Variants in NLRP2 observed in about 807,000 individuals in gnomAD.
The protein encoded by NLRP2 is NACHT, LRR and PYD domains-containing protein 2.
NLRP2 carries 107 observed loss-of-function variants against 97.2 expected under a neutral mutation model. The observed-to-expected ratio is 1.10, with a 90% CI of 0.94 to 1.29. The LOEUF (loss-of-function observed/expected upper bound fraction) is 1.29. Ranked by LOEUF, NLRP2 falls within the 50% of genes most tolerant of loss-of-function variation. NLRP2 has a pLI of 0.00. For missense variants in NLRP2, 1,495 were observed against 1,330.3 expected (o/e 1.12, Z -1.93); for synonymous variants, 663 against 551.5 (o/e 1.20, Z -2.83).
At chr19:54,998,918 A>G (rs368625564) in intron 12 of NLRP2, among the ~76,000 whole-genome samples, 2 of 151,666 alleles carry the variant, frequency 1.3e-5, no homozygotes, top group South Asian at 4.2e-4. Flanking sequence ...GAGTGGACAC[A>G]GCACATGTTT....
intron 11 of NLRP2, among the ~76,000 whole-genome samples, chr19:54,995,187 CT>C (rs34168825): frequency 0.17 from 14,365 of 87,010 alleles, 712 homozygotes; most frequent in African/African-American, 0.18. Flanking sequence ...GTGGGTGCCT[CT>C]TTTTTTTTTT....
rs2070920443 is a variant in NLRP2, at chr19:54,972,392, A to C, written c.280+2097A>C. On this transcript the variant is annotated intron_variant, in intron 2 of 12. Transcript: ENST00000448584. ...GAGATGGGGTTTCACTATGTTGGCC[A>C]GGCTGGTCTTGAACTCCTGACCACG... is the stretch of plus-strand genomic sequence containing the variant. Among the ~76,000 whole-genome samples the C allele has an allele frequency of 1.3e-5, 2 of 151,998 alleles. 1 individual carries two copies. Among genetic ancestry groups the C allele is most frequent in the South Asian group, 4.2e-4 (2 of 4,816 alleles).
chr19:54,998,407 C>G (rs1188858193), intron 12 of NLRP2, among the ~76,000 whole-genome samples: 2 of 152,078 alleles, frequency 1.3e-5, no homozygotes, highest in African/African-American at 4.8e-5. Flanking sequence ...AAGCAATATA[C>G]TCTACTGCTG....
chr19:54,982,129 C>T, intron 5 of NLRP2, 33 bp from the exon 6 acceptor site: 1 of 1,613,368 alleles, frequency 6.2e-7, no homozygotes, highest in Non-Finnish European at 8.5e-7. Flanking sequence ...CTGATTGCAT[C>T]CTCTCTCCCT....
At position 54,976,810 on chromosome 19, in the gene NLRP2, CTCT is replaced by C. The variant is rs1375454425; in HGVS notation, c.326-940_326-938del. 8.3e-4 allele frequency: 265 copies of C among 320,290 alleles called. 3 individuals are homozygous for C. Among genetic ancestry groups the C allele is most frequent in the Admixed American group, 8.0e-3 (196 of 24,478 alleles). 19.8% of individuals were successfully genotyped at this position (320,290 alleles called of 1,614,324 possible). On this transcript the variant is annotated intron_variant, in intron 3 of 12. Coordinates refer to ENST00000448584, the MANE Select transcript of NLRP2 (RefSeq NM_017852.5). ...TTATTAGGATTCCACCTTGTTCTCTCTCTTTTTTTTTTTTTTTTTGATACGGAG... is the reference window on the plus strand; with the variant it reads ...TTATTAGGATTCCACCTTGTTCTCTCTTTTTTTTTTTTTTTTGATACGGAG...
chr19:54,966,756 C>G (rs1035821056), intron 1 of NLRP2, among the ~76,000 whole-genome samples: 8 of 150,856 alleles, frequency 5.3e-5, no homozygotes, highest in African/African-American at 9.8e-5. Context: ...CCATGTTGGC[C>G]AGGCTGGTCT....
rs1284782699 is a variant in NLRP2, at chr19:54,990,210, T to C, written c.2537+18T>C. ...AGGTTGTCGTAAGTCTCTCCTCTCT[T>C]ACAGAGCAGCTGTGCTTTCGATCTG... is the stretch of plus-strand genomic sequence containing the variant. On this transcript the variant is annotated intron_variant, in intron 9 of 12. Coordinates refer to ENST00000448584, the MANE Select transcript of NLRP2 (RefSeq NM_017852.5). 6 of 1,613,460 alleles carry C rather than the reference T, an allele frequency of 3.7e-6. No individual in the cohort carries two copies. The highest frequency in any genetic ancestry group is 5.1e-6 in the Non-Finnish European group (6 of 1,179,540).
chr19:54,990,835 G>A (rs771545379), intron 10 of NLRP2, 163 bp downstream of exon 10: 1 of 720,912 alleles, frequency 1.4e-6, no homozygotes, highest in Non-Finnish European at 2.5e-6. Flanking sequence ...TAGGAAAAAA[G>A]TATAAGTAGT....
intron 4 of NLRP2, among the ~76,000 whole-genome samples, chr19:54,979,139 T>C (rs946341156): frequency 6.6e-6 from 1 of 151,198 alleles, no homozygotes; most frequent in African/African-American, 2.4e-5. Flanking sequence ...TGCCCACCAC[T>C]ATGCCTGGCT....
intron 7 of NLRP2, 29 bp downstream of exon 7, chr19:54,985,246 A>G: frequency 6.3e-7 from 1 of 1,599,376 alleles, no homozygotes; most frequent in Non-Finnish European, 8.6e-7. Context: ...ATGAACTCAA[A>G]TCCTTAGGGT....
intron 12 of NLRP2, among the ~76,000 whole-genome samples, chr19:54,998,611 C>CTTTTTTTTTTTTTTTTTTTTTTTT (rs375510249): frequency 2.4e-5 from 1 of 42,196 alleles, no homozygotes; most frequent in East Asian, 6.7e-4. Flanking sequence ...CATCTTTTTT[C>CTTTTTTTTTTTTTTTTTTTTTTTT]TTTTTTTTTT....
intron 10 of NLRP2, among the ~76,000 whole-genome samples, chr19:54,992,400 A>G (rs948741341): frequency 2.0e-5 from 3 of 151,650 alleles, no homozygotes; most frequent in African/African-American, 7.3e-5. Flanking sequence ...CACACCCACT[A>G]TATCTAGGCC....
intron 1 of NLRP2, among the ~76,000 whole-genome samples, chr19:54,968,899 C>T (rs1483400503): frequency 6.6e-6 from 1 of 151,392 alleles, no homozygotes; most frequent in Non-Finnish European, 1.5e-5. Context: ...GACGGGGTTT[C>T]ACTGTGTTAG....
chr19:54,988,251 G>A (rs889789791), intron 8 of NLRP2, among the ~76,000 whole-genome samples: 1 of 152,152 alleles, frequency 6.6e-6, no homozygotes, highest in Non-Finnish European at 1.5e-5. Context: ...GGGATGCAGG[G>A]TGAGGGGGAA....
At chr19:54,987,866 C>T (rs1334035652) in intron 8 of NLRP2, among the ~76,000 whole-genome samples, 1 of 151,840 alleles carries the variant, frequency 6.6e-6, no homozygotes, top group Non-Finnish European at 1.5e-5. Context: ...CATGGTGAAA[C>T]CCCACGTCTA....
chr19:54,979,933 C>T (rs935003652), intron 4 of NLRP2, among the ~76,000 whole-genome samples: 7 of 151,940 alleles, frequency 4.6e-5, no homozygotes, highest in East Asian at 1.9e-4. Flanking sequence ...TGTGCCACCA[C>T]GCCCAGCTAA....
Position 54,977,753 on chromosome 19 carries a change from G to C in NLRP2, c.327G>C (p.Gly109=). The part of the protein sequence containing the change: ...SFNKRKPLSL[G]ITRKERPPLD... ...TGTAATGCCGCCCTTTTTCTCCAGG[G>C]ATAACACGGAAAGAACGACCACCTC... Residue 109 remains glycine, a splice_region_variant and synonymous_variant, in exon 4 of 13, where the codon GGG becomes GGC. Coordinates refer to ENST00000448584, the MANE Select transcript of NLRP2 (RefSeq NM_017852.5). 1 of 1,613,758 alleles carries C rather than the reference G, an allele frequency of 6.2e-7. No individual in the cohort carries two copies. Among genetic ancestry groups the C allele is most frequent in the Non-Finnish European group, 8.5e-7 (1 of 1,180,002 alleles).
At position 54,971,380 on chromosome 19, in the gene NLRP2, C is replaced by T. The variant is rs562830735; in HGVS notation, c.280+1085C>T. Among the ~76,000 whole-genome samples the T allele has an allele frequency of 2.9e-4, 44 of 152,176 alleles. No homozygotes were observed. The South Asian group carries it at 8.7e-3, about 30-fold the overall frequency. ...TCAAATGGTATTTCTAGTTCTAGAT[C>T]CCTGAGGAATCCCCACACCGACTTC... On this transcript the variant is annotated intron_variant, in intron 2 of 12. Coordinates refer to ENST00000448584, the MANE Select transcript of NLRP2 (RefSeq NM_017852.5).
At chr19:54,989,937 G>A in intron 8 of NLRP2, 85 bp from the exon 9 acceptor site, 4 of 1,480,280 alleles carry the variant, frequency 2.7e-6, no homozygotes, top group South Asian at 1.1e-5. Flanking sequence ...GTTGCTGTGA[G>A]CCGAGATTGC....
Sources: allele counts gnomAD v4.1 joint callset (sites outside exome capture counted in the v4.1 genomes callset), GRCh38; gene constraint gnomAD v4.1.1; transcripts MANE v1.5; gene names NCBI Gene and HGNC (gene_info 2026-07-23, HGNC 2026-07-21).